Variants in TMOD1 observed in about 807,000 individuals in gnomAD.
TMOD1 encodes tropomodulin-1.
Under a neutral mutation model 40.6 loss-of-function variants are expected in TMOD1, and 17 were observed. The observed-to-expected ratio is 0.42, with a 90% confidence interval of 0.29 to 0.63. The LOEUF (loss-of-function observed/expected upper bound fraction) is 0.63, where lower values mean the gene tolerates loss of function less well. Ranked by LOEUF, TMOD1 falls within the 20% of genes least tolerant of loss-of-function variation. The probability of loss-of-function intolerance (pLI) is 0.22; values close to 1 mark genes in which losing one functional copy is unlikely to be tolerated. For synonymous variants in TMOD1, 181 were observed against 175.0 expected (o/e 1.03, Z -0.27); for missense variants, 391 against 447.6 (o/e 0.87, Z 1.14).
intron 8 of TMOD1, among the ~76,000 whole-genome samples, chr9:97,576,582 T>C (rs1830942727): frequency 6.6e-6 from 1 of 151,860 alleles, no homozygotes; most frequent in African/African-American, 2.4e-5. Context: ...TACATTTCTG[T>C]CATATACTTC....
chr9:97,599,045 C>T (rs1826186930), intron 9 of TMOD1, among the ~76,000 whole-genome samples: 1 of 152,208 alleles, frequency 6.6e-6, no homozygotes, highest in Non-Finnish European at 1.5e-5. Context: ...CGTCTCCAGC[C>T]TGCAACCTCC....
chr9:97,515,165 T>G (rs1283904651), intron 1 of TMOD1, among the ~76,000 whole-genome samples: 1 of 149,836 alleles, frequency 6.7e-6, no homozygotes, highest in African/African-American at 2.5e-5. Flanking sequence ...AGTGAGACCC[T>G]GTCTCTACCA....
intron 2 of TMOD1, among the ~76,000 whole-genome samples, chr9:97,537,161 A>C (rs1325212567): frequency 1.3e-5 from 2 of 152,238 alleles, no homozygotes; most frequent in Non-Finnish European, 2.9e-5. Context: ...AAATGAAAAA[A>C]ATCATTGGTC....
intron 9 of TMOD1, among the ~76,000 whole-genome samples, chr9:97,592,777 A>G (rs953318089): frequency 1.3e-5 from 2 of 152,182 alleles, no homozygotes; most frequent in Admixed American, 6.5e-5. Flanking sequence ...TTCCACAAAC[A>G]TATACCAAAA....
At chr9:97,597,773 C>T (rs1332105548) in intron 9 of TMOD1, among the ~76,000 whole-genome samples, 1 of 151,188 alleles carries the variant, frequency 6.6e-6, no homozygotes, top group African/African-American at 2.4e-5. Context: ...GCCCAGTGGA[C>T]ACAATGAGGG....
chr9:97,567,871 C>T, intron 7 of TMOD1, among the ~76,000 whole-genome samples: 1 of 152,152 alleles, frequency 6.6e-6, no homozygotes, highest in East Asian at 1.9e-4. Context: ...GTAGGTATTC[C>T]TGGCTCGGAG....
At chr9:97,549,759 C>T (rs941656718) in intron 3 of TMOD1, among the ~76,000 whole-genome samples, 2 of 152,168 alleles carry the variant, frequency 1.3e-5, no homozygotes, top group Middle Eastern at 3.4e-3. Flanking sequence ...TTTCTCTATG[C>T]GCTTCCCACT....
chr9:97,528,896 T>G (rs1426470526), intron 2 of TMOD1, among the ~76,000 whole-genome samples: 1 of 152,264 alleles, frequency 6.6e-6, no homozygotes, highest in East Asian at 1.9e-4. Flanking sequence ...TAGATGGCAC[T>G]CACTATGTGC....
At chr9:97,596,358 GCT>G (rs1273921956) in intron 9 of TMOD1, among the ~76,000 whole-genome samples, 1 of 152,092 alleles carries the variant, frequency 6.6e-6, no homozygotes, top group East Asian at 1.9e-4. Flanking sequence ...GCCTCCCATT[GCT>G]CTCAGTCAGG....
chr9:97,582,998 C>T (rs543381398), intron 8 of TMOD1, among the ~76,000 whole-genome samples: 2 of 151,260 alleles, frequency 1.3e-5, no homozygotes, highest in Admixed American at 6.6e-5. Context: ...TTATTTCCTT[C>T]TCCTGTCTAA....
intron 1 of TMOD1, among the ~76,000 whole-genome samples, chr9:97,514,275 C>CTT (rs71369513): frequency 8.2e-5 from 10 of 121,820 alleles, no homozygotes; most frequent in African/African-American, 2.2e-4. Flanking sequence ...TTTTCTTTTT[C>CTT]TTTTTTTTTT....
chr9:97,518,614 G>T (rs796547209), intron 1 of TMOD1, among the ~76,000 whole-genome samples: 4 of 152,356 alleles, frequency 2.6e-5, no homozygotes, highest in African/African-American at 9.6e-5. Context: ...CTACCCTTGA[G>T]CCAGGCACCC....
intron 8 of TMOD1, among the ~76,000 whole-genome samples, chr9:97,576,782 C>T (rs891691357): frequency 1.6e-4 from 24 of 152,164 alleles, no homozygotes; most frequent in Non-Finnish European, 2.4e-4. Flanking sequence ...TACAGGTGCC[C>T]GCCACCACGT....
At chr9:97,542,849 CAAA>C (rs35096378) in intron 2 of TMOD1, among the ~76,000 whole-genome samples, 9 of 99,972 alleles carry the variant, frequency 9.0e-5, no homozygotes, top group Admixed American at 1.1e-4. Flanking sequence ...GACTCCATCT[CAAA>C]AAAAAAAAAA....
intron 2 of TMOD1, among the ~76,000 whole-genome samples, chr9:97,543,795 C>T (rs1406625646): frequency 6.6e-6 from 1 of 152,216 alleles, no homozygotes; most frequent in Non-Finnish European, 1.5e-5. Context: ...GGCGTGGGCA[C>T]ACACAGCTAG....
chr9:97,553,822 C>A (rs560677917), intron 4 of TMOD1, among the ~76,000 whole-genome samples: 5 of 152,332 alleles, frequency 3.3e-5, no homozygotes, highest in Middle Eastern at 6.8e-3. Flanking sequence ...ACTTTGCCTG[C>A]AGTTGGCTCA....
chr9:97,531,414 C>A (rs1314188717), intron 2 of TMOD1, among the ~76,000 whole-genome samples: 1 of 152,044 alleles, frequency 6.6e-6, no homozygotes, highest in East Asian at 1.9e-4. Context: ...AGTTCAAAAC[C>A]AGCCTGGCCA....
chr9:97,598,441 A>G (rs1826163124), intron 9 of TMOD1, among the ~76,000 whole-genome samples: 1 of 152,082 alleles, frequency 6.6e-6, no homozygotes, highest in South Asian at 2.1e-4. Context: ...TGGGAATGGT[A>G]ACTAACATTC....
chr9:97,546,929 CAAAAAAAA>C lies in TMOD1; in HGVS notation c.277+604_277+611del, dbSNP rs71308254. Reference sequence around the variant, plus strand: ...GGGCAACAGAGTAAGACTCCGTCTCCAAAAAAAAAAAAAAAAAAAAAAAGACATCAGGA... The same window carrying C: ...GGGCAACAGAGTAAGACTCCGTCTCCAAAAAAAAAAAAAAAGACATCAGGA... On this transcript the variant is annotated intron_variant, in intron 3 of 9. Transcript: ENST00000259365. 2.7e-4 allele frequency among the ~76,000 whole-genome samples: 15 copies of C among 55,200 alleles called. No homozygotes were observed. The South Asian group carries it at 0.011, about 39-fold the overall frequency. 36.2% of individuals were successfully genotyped at this position (55,200 alleles called of 152,430 possible).
Sources: gnomAD v4.1 joint callset for allele counts (sites outside exome capture counted in the v4.1 genomes callset) on GRCh38, gnomAD v4.1.1 for gene constraint, MANE v1.5 for transcripts, NCBI Gene and HGNC (gene_info 2026-07-23, HGNC 2026-07-21) for gene names.